The following MAOB variants were observed in gnomAD, a reference collection of about 807,000 sequenced individuals.
MAOB encodes the protein monoamine oxidase B.
Under a neutral mutation model 41.9 loss-of-function variants are expected in MAOB, and 15 were observed. That is an observed-to-expected ratio of 0.36 (90% CI 0.24 to 0.55). MAOB has a LOEUF of 0.55. Ranked by LOEUF, MAOB falls within the 20% of genes least tolerant of loss-of-function variation. The probability of loss-of-function intolerance (pLI) is 0.86; values close to 1 mark genes in which losing one functional copy is unlikely to be tolerated. For missense variants in MAOB, 345 were observed against 398.7 expected, an observed-to-expected ratio of 0.87 and a Z score of 1.15; for synonymous variants, 167 against 144.2, an observed-to-expected ratio of 1.16 and a Z score of -1.13.
At chrX:43,843,341 T>C (rs1389479759) in intron 2 of MAOB, among the ~76,000 whole-genome samples, 1 of 97,352 alleles carries the variant, frequency 1.0e-5, no homozygotes, top group Non-Finnish European at 2.1e-5. Flanking sequence ...TTTTTCTTCC[T>C]ATTTCTCTCT....
At chrX:43,832,979 G>A (rs2035034858) in intron 3 of MAOB, among the ~76,000 whole-genome samples, 1 of 111,205 alleles carries the variant, frequency 9.0e-6, no homozygotes, top group Non-Finnish European at 1.9e-5. Flanking sequence ...CAATATGTGA[G>A]AGTATAAGTT....
At chrX:43,851,054 C>A (rs746339284) in intron 1 of MAOB, among the ~76,000 whole-genome samples, 36 of 112,073 alleles carry the variant, frequency 3.2e-4, no homozygotes, top group Non-Finnish European at 6.0e-4. Flanking sequence ...AGTTGACTAT[C>A]TTTTATGTAT....
intron 1 of MAOB, among the ~76,000 whole-genome samples, chrX:43,847,695 A>G (rs191533800): frequency 2.7e-5 from 3 of 112,672 alleles, no homozygotes; most frequent in East Asian, 2.8e-4. Flanking sequence ...CTGACTAAAT[A>G]TAAGAATCTT....
chrX:43,803,807 T>C (rs760844208), intron 3 of MAOB, among the ~76,000 whole-genome samples: 1 of 111,058 alleles, frequency 9.0e-6, no homozygotes, highest in Admixed American at 9.6e-5. Flanking sequence ...ATTATACAAC[T>C]TAGAAGGGGA....
At chrX:43,866,365 C>T (rs1004454376) in intron 1 of MAOB, among the ~76,000 whole-genome samples, 49 of 112,275 alleles carry the variant, frequency 4.4e-4, no homozygotes, top group African/African-American at 1.6e-3. Context: ...ATCCAATCTG[C>T]TTTTTCCCAA....
chrX:43,867,000 G>A (rs1019672694), intron 1 of MAOB, among the ~76,000 whole-genome samples: 8 of 112,580 alleles, frequency 7.1e-5, no homozygotes, highest in Non-Finnish European at 1.3e-4. Context: ...TGCTTTTCGG[G>A]GGGCATTAGC....
chrX:43,768,642 A>G lies in MAOB; in HGVS notation c.1410+12T>C. On this transcript the variant is annotated intron_variant, in intron 14 of 14. Coordinates refer to ENST00000378069, the MANE Select transcript of MAOB (RefSeq NM_000898.5). ...AAAGATATCTAATTTCATGAAATAA[A>G]ACATAGCCTACCACAGACTCTGGTT... The G allele has an allele frequency of 3.4e-6, 4 of 1,193,742 alleles. No homozygotes were observed. Among genetic ancestry groups the G allele is most frequent in the Non-Finnish European group, 3.4e-6 (3 of 879,370 alleles).
chrX:43,822,912 T>G (rs1238875877), intron 3 of MAOB, among the ~76,000 whole-genome samples: 2 of 111,031 alleles, frequency 1.8e-5, no homozygotes, highest in East Asian at 5.7e-4. Flanking sequence ...ATCATCATGG[T>G]TAACACTTTT....
intron 8 of MAOB, among the ~76,000 whole-genome samples, chrX:43,783,490 G>A (rs1034438281): frequency 2.7e-5 from 3 of 112,426 alleles, no homozygotes; most frequent in Admixed American, 9.4e-5. Context: ...ATTGTGTCAC[G>A]TAAATTGCTT....
chrX:43,809,124 G>C (rs977247102), intron 3 of MAOB, among the ~76,000 whole-genome samples: 1 of 111,431 alleles, frequency 9.0e-6, no homozygotes, highest in Admixed American at 9.6e-5. Context: ...AGGGTGGGAA[G>C]GGGCCCCTTC....
intron 1 of MAOB, among the ~76,000 whole-genome samples, chrX:43,870,206 A>T (rs765258155): frequency 8.9e-6 from 1 of 112,418 alleles, no homozygotes; most frequent in African/African-American, 3.2e-5. Context: ...CAGTCTTCAC[A>T]GATTAGGGCT....
intron 1 of MAOB, 98 bp downstream of exon 1, chrX:43,882,155 AG>A: frequency 8.7e-7 from 1 of 1,144,297 alleles, no homozygotes; most frequent in East Asian, 3.3e-5. Context: ...TGGGGACTCC[AG>A]GGTCAGCCCC....
At position 43,796,372 on chromosome X, in the gene MAOB, C is replaced by G. The variant is rs750772912; in HGVS notation, c.619-484G>C. On this transcript the variant is annotated intron_variant, in intron 6 of 14. Coordinates refer to ENST00000378069, the MANE Select transcript of MAOB (RefSeq NM_000898.5). ...CCCTGTTGCAGGCTGCCCATCTTAT[C>G]CTGGGTCAGATGCCTGCTGCTTCTG... Among the ~76,000 whole-genome samples, 87 of 111,459 alleles carry G rather than the reference C, an allele frequency of 7.8e-4. 4 individuals carry two copies. Among genetic ancestry groups the G allele is most frequent in the Non-Finnish European group, 1.5e-4 (8 of 53,129 alleles).
At chrX:43,808,470 A>G (rs1248508550) in intron 3 of MAOB, among the ~76,000 whole-genome samples, 4 of 110,687 alleles carry the variant, frequency 3.6e-5, no homozygotes, top group Admixed American at 2.9e-4. Flanking sequence ...CAACCATGGC[A>G]GCTCCTGGAA....
intron 1 of MAOB, among the ~76,000 whole-genome samples, chrX:43,865,258 G>C (rs1476098690): frequency 1.8e-5 from 2 of 112,316 alleles, no homozygotes; most frequent in Non-Finnish European, 3.8e-5. Flanking sequence ...CCACATGGAT[G>C]AATCTTGAAG....
chrX:43,816,110 A>G (rs993584677), intron 3 of MAOB, among the ~76,000 whole-genome samples: 4 of 111,659 alleles, frequency 3.6e-5, no homozygotes, highest in African/African-American at 1.3e-4. Flanking sequence ...GCTGGACACA[A>G]AGACTACATA....
chrX:43,853,914 C>A (rs1167930235), intron 1 of MAOB, among the ~76,000 whole-genome samples: 1 of 112,468 alleles, frequency 8.9e-6, no homozygotes, highest in Non-Finnish European at 1.9e-5. Context: ...TTGTCATAAG[C>A]CACCCAGGGT....
intron 1 of MAOB, among the ~76,000 whole-genome samples, chrX:43,864,409 T>C (rs1484195220): frequency 2.7e-5 from 3 of 111,689 alleles, no homozygotes; most frequent in Non-Finnish European, 5.6e-5. Context: ...TTAGCTTCAT[T>C]GGTCTTGTGA....
intron 12 of MAOB, 129 bp downstream of exon 12, chrX:43,775,046 A>G: frequency 1.1e-6 from 1 of 888,483 alleles, no homozygotes; most frequent in Non-Finnish European, 1.4e-6. Context: ...ATACAAAGGA[A>G]ATTGGGTTGT....
Sources: gnomAD v4.1 joint callset for allele counts (sites outside exome capture counted in the v4.1 genomes callset) on GRCh38, gnomAD v4.1.1 for gene constraint, MANE v1.5 for transcripts, NCBI Gene and HGNC (gene_info 2026-07-23, HGNC 2026-07-21) for gene names.